The following PELI1 variants were observed in gnomAD, a reference collection of about 807,000 sequenced individuals.
PELI1 encodes E3 ubiquitin-protein ligase pellino homolog 1.
PELI1 carries 15 observed loss-of-function variants against 41.3 expected under a neutral mutation model. The observed-to-expected ratio is 0.36, with a 90% confidence interval of 0.24 to 0.56. The LOEUF (loss-of-function observed/expected upper bound fraction) is 0.56, where lower values mean the gene tolerates loss of function less well. PELI1 is among the 20% of genes least tolerant of loss of function. PELI1 has a pLI of 0.82. For synonymous variants in PELI1, 178 were observed against 180.1 expected, an observed-to-expected ratio of 0.99 and a Z score of 0.09; for missense variants, 403 against 525.5, an observed-to-expected ratio of 0.77 and a Z score of 2.28.
intron 1 of PELI1, among the ~76,000 whole-genome samples, chr2:64,135,458 G>A (rs1481498625): frequency 6.6e-6 from 1 of 152,104 alleles, no homozygotes; most frequent in Non-Finnish European, 1.5e-5. Context: ...GCCATCCACA[G>A]GTTACTACTT....
chr2:64,120,943 G>A (rs1191950065), intron 1 of PELI1, among the ~76,000 whole-genome samples: 1 of 152,086 alleles, frequency 6.6e-6, no homozygotes, highest in Non-Finnish European at 1.5e-5. Context: ...TTAATGCCTT[G>A]GCACAAAATG....
chr2:64,127,091 T>C (rs1004713458), intron 1 of PELI1, among the ~76,000 whole-genome samples: 2 of 152,204 alleles, frequency 1.3e-5, no homozygotes, highest in Non-Finnish European at 2.9e-5. Context: ...GAAAGATGGA[T>C]AGACTACCAA....
intron 1 of PELI1, among the ~76,000 whole-genome samples, chr2:64,110,748 G>A (rs919655976): frequency 6.6e-6 from 1 of 152,036 alleles, no homozygotes; most frequent in Non-Finnish European, 1.5e-5. Context: ...CCAACATGGT[G>A]AAACCCCATC....
chr2:64,132,087 T>G (rs1037201009), intron 1 of PELI1, among the ~76,000 whole-genome samples: 3 of 152,202 alleles, frequency 2.0e-5, no homozygotes, highest in African/African-American at 7.2e-5. Flanking sequence ...GCAACAGATC[T>G]TTCCCCCTCC....
chr2:64,105,994 T>G (rs573892289), intron 2 of PELI1, among the ~76,000 whole-genome samples: 1 of 152,346 alleles, frequency 6.6e-6, no homozygotes, highest in Admixed American at 6.5e-5. Context: ...GACTGCCATA[T>G]ATAGAAACTA....
chr2:64,122,979 T>C (rs1681271910), intron 1 of PELI1, among the ~76,000 whole-genome samples: 2 of 152,220 alleles, frequency 1.3e-5, no homozygotes, highest in Admixed American at 6.5e-5. Flanking sequence ...ATGACAGTCA[T>C]AGGGCTAAGT....
chr2:64,108,311 G>A lies in PELI1; in HGVS notation c.-1C>T. Reference sequence around the variant, plus strand: ...GATTTTCTTGATCAGGAGAAAACATGAGCTTGGCTGTCTTTCTCAAATCTT... The same window carrying A: ...GATTTTCTTGATCAGGAGAAAACATAAGCTTGGCTGTCTTTCTCAAATCTT... On this transcript the variant is annotated 5_prime_UTR_variant, in exon 2 of 7. Transcript: ENST00000358912. 3 of 1,595,444 alleles carry A rather than the reference G, an allele frequency of 1.9e-6. No individual in the cohort carries two copies. Among genetic ancestry groups the A allele is most frequent in the Non-Finnish European group, 2.6e-6 (3 of 1,163,188 alleles).
At chr2:64,134,529 T>C (rs1681656158) in intron 1 of PELI1, among the ~76,000 whole-genome samples, 1 of 152,182 alleles carries the variant, frequency 6.6e-6, no homozygotes, top group Non-Finnish European at 1.5e-5. Context: ...CGGTTTCTAA[T>C]TAGAAGCAGC....
intron 1 of PELI1, among the ~76,000 whole-genome samples, chr2:64,141,312 C>CCCCG (rs1444982980): frequency 5.5e-5 from 8 of 145,802 alleles, no homozygotes; most frequent in African/African-American, 2.1e-4. Flanking sequence ...CCGCCCCCAC[C>CCCCG]CCAAAGGAGC....
intron 1 of PELI1, among the ~76,000 whole-genome samples, chr2:64,123,998 A>G (rs1681306140): frequency 2.6e-5 from 4 of 152,224 alleles, no homozygotes; most frequent in Admixed American, 2.6e-4. Flanking sequence ...AACATGGATG[A>G]ACCTGGAAAA....
chr2:64,118,394 A>G (rs1004006725), intron 1 of PELI1, among the ~76,000 whole-genome samples: 1 of 152,220 alleles, frequency 6.6e-6, no homozygotes, highest in Non-Finnish European at 1.5e-5. Flanking sequence ...CAAATAGATT[A>G]GAAAACTGGA....
At chr2:64,097,443 T>C (rs1221554192) in intron 4 of PELI1, among the ~76,000 whole-genome samples, 4 of 152,236 alleles carry the variant, frequency 2.6e-5, no homozygotes, top group Non-Finnish European at 5.9e-5. Flanking sequence ...TTAGGGATAT[T>C]TCAGAGAGAC....
At position 64,094,239 on chromosome 2, in the gene PELI1, C is replaced by A. The variant is rs551011953; in HGVS notation, c.*463G>T. On this transcript the variant is annotated 3_prime_UTR_variant, in exon 7 of 7. Transcript: ENST00000358912. Reference sequence around the variant, plus strand: ...CACCAAGGGTGTGACACCATCGTTACCATGCTACTCTATCAAGAACATTCT... The same window carrying A: ...CACCAAGGGTGTGACACCATCGTTAACATGCTACTCTATCAAGAACATTCT... 1 of 154,842 alleles carries A rather than the reference C, an allele frequency of 6.5e-6. No individual in the cohort carries two copies. The highest frequency in any genetic ancestry group is 2.0e-4 in the South Asian group (1 of 4,976). 9.6% of individuals were successfully genotyped at this position (154,842 alleles called of 1,614,324 possible).
intron 1 of PELI1, among the ~76,000 whole-genome samples, chr2:64,124,355 C>T (rs1681319837): frequency 6.6e-6 from 1 of 152,108 alleles, no homozygotes; most frequent in Non-Finnish European, 1.5e-5. Flanking sequence ...AGCTCTAGCA[C>T]ATTAAAAACA....
rs1682043115 is a variant in PELI1 at position 64,144,392 on chromosome 2, CCTCCGCCTCA to C, written c.-391_-382del. On this transcript the variant is annotated 5_prime_UTR_variant, in exon 1 of 7. Transcript: ENST00000358912. ...GCGGCGGCGGCGCCCCCCGACGGTCCCTCCGCCTCACACCGCCTCTGGGTCACTGACATAC... is the reference window on the plus strand; with the variant it reads ...GCGGCGGCGGCGCCCCCCGACGGTCCCACCGCCTCTGGGTCACTGACATAC... 1 of 150,584 alleles carries C rather than the reference CCTCCGCCTCA, an allele frequency of 6.6e-6. No homozygotes were observed. The highest frequency in any genetic ancestry group is 1.5e-5 in the Non-Finnish European group (1 of 68,160). The allele number at this position is 150,584 out of a possible 1,614,324, so 9.3% of individuals were successfully genotyped here. A position where few individuals can be genotyped will look rare whatever the true frequency, so the allele number is the denominator to read the frequency against.
At chr2:64,102,608 T>A (rs1227933628) in intron 3 of PELI1, among the ~76,000 whole-genome samples, 1 of 152,234 alleles carries the variant, frequency 6.6e-6, no homozygotes, top group Non-Finnish European at 1.5e-5. Context: ...CTAAAGAGAT[T>A]TTAAAACATT....
At position 64,094,235 on chromosome 2, in the gene PELI1, G is replaced by A. The variant is rs1225302690; in HGVS notation, c.*467C>T. 6.5e-6 allele frequency: 1 copy of A among 154,432 alleles called. No homozygotes were observed. The highest frequency in any genetic ancestry group is 1.4e-5 in the Non-Finnish European group (1 of 69,386). The allele number at this position is 154,432 out of a possible 1,614,324, so 9.6% of individuals were successfully genotyped here. A position where few individuals can be genotyped will look rare whatever the true frequency, so the allele number is the denominator to read the frequency against. On this transcript the variant is annotated 3_prime_UTR_variant, in exon 7 of 7. Coordinates refer to ENST00000358912, the MANE Select transcript of PELI1 (RefSeq NM_020651.4). ...TTCACACCAAGGGTGTGACACCATCGTTACCATGCTACTCTATCAAGAACA... is the reference window on the plus strand; with the variant it reads ...TTCACACCAAGGGTGTGACACCATCATTACCATGCTACTCTATCAAGAACA...
At chr2:64,107,366 C>T (rs1680655311) in intron 2 of PELI1, among the ~76,000 whole-genome samples, 1 of 152,200 alleles carries the variant, frequency 6.6e-6, no homozygotes, top group Non-Finnish European at 1.5e-5. Context: ...ATCTATTCCT[C>T]AATCTTCAGA....
At chr2:64,110,874 C>G (rs1263099441) in intron 1 of PELI1, among the ~76,000 whole-genome samples, 2 of 151,604 alleles carry the variant, frequency 1.3e-5, no homozygotes, top group African/African-American at 4.8e-5. Context: ...TGCAGTGAAC[C>G]CAGATCGCAC....
Sources: allele counts gnomAD v4.1 joint callset (sites outside exome capture counted in the v4.1 genomes callset), GRCh38; gene constraint gnomAD v4.1.1; transcripts MANE v1.5; gene names NCBI Gene and HGNC (gene_info 2026-07-23, HGNC 2026-07-21).